Variants in SMG5 observed in about 807,000 individuals in gnomAD.
SMG5 encodes nonsense-mediated mRNA decay factor SMG5.
Under a neutral mutation model 122.9 loss-of-function variants are expected in SMG5, and 53 were observed. That is an observed-to-expected ratio of 0.43 (90% CI 0.35 to 0.54). SMG5 has a LOEUF of 0.54. SMG5 is among the 20% of genes least tolerant of loss of function. SMG5 has a pLI of 0.01. For synonymous variants in SMG5, 477 were observed against 490.2 expected, an observed-to-expected ratio of 0.97 and a Z score of 0.35; for missense variants, 1,153 against 1,285.6, an observed-to-expected ratio of 0.90 and a Z score of 1.58.
At position 156,266,569 on chromosome 1, in the gene SMG5, G is replaced by A. The variant is rs996083874; in HGVS notation, c.1227C>T (p.Pro409=). The change falls in exon 11 of 22, where the codon CCC becomes CCT. Residue 409 remains proline, a synonymous_variant. Transcript: ENST00000361813. The part of the protein sequence containing the change: ...LQAELEEGEN[P]VPAFQSDGTD... The stretch of plus-strand genomic sequence containing the variant: ...TGCCATCACTCTGGAATGCCGGGAC[G>A]GGATTCTCGCCCTCTTCCAGCTCAG... 8.7e-6 allele frequency: 14 copies of A among 1,614,038 alleles called. No individual in the cohort carries two copies. The highest frequency in any genetic ancestry group is 2.2e-5 in the East Asian group (1 of 44,886).
At chr1:156,258,883 C>G (rs1661691204) in intron 16 of SMG5, 122 bp downstream of exon 16, 7 of 1,236,178 alleles carry the variant, frequency 5.7e-6, no homozygotes, top group African/African-American at 1.5e-5. Flanking sequence ...CCCCTCCCCT[C>G]TCCCTAGGCA....
chr1:156,258,895 C>T (rs1661691517), intron 16 of SMG5, 110 bp downstream of exon 16: 9 of 1,367,150 alleles, frequency 6.6e-6, no homozygotes, highest in Non-Finnish European at 7.9e-6. Context: ...CCCTAGGCAT[C>T]TTACTATGTC....
chr1:156,255,458 G>A (rs936595014), intron 16 of SMG5, among the ~76,000 whole-genome samples: 10 of 152,180 alleles, frequency 6.6e-5, no homozygotes, highest in Admixed American at 2.6e-4. Context: ...AGAATCGCTT[G>A]AACCCGGGAG....
In SMG5 at chr1:156,282,807, TGA is replaced by T; in HGVS notation, c.-129_-128del. 1 of 1,033,568 alleles carries T rather than the reference TGA, an allele frequency of 9.7e-7. No individual in the cohort carries two copies. The highest frequency in any genetic ancestry group is 1.4e-6 in the Non-Finnish European group (1 of 739,574). The allele number at this position is 1,033,568 out of a possible 1,614,324, so 64.0% of individuals were successfully genotyped here. On this transcript the variant is annotated 5_prime_UTR_variant, in exon 1 of 22. Transcript: ENST00000361813. ...CGGCCCTGCTCGGCCGCCATCGCTG[TGA>T]GGCGGCTGCCCGCGACAGCTCCTCC...
At chr1:156,263,724 CT>C (rs1254975481) in intron 12 of SMG5, among the ~76,000 whole-genome samples, 154 bp from the exon 13 acceptor site, 3 of 152,222 alleles carry the variant, frequency 2.0e-5, no homozygotes, top group Non-Finnish European at 4.4e-5. Context: ...CTTACAGGCC[CT>C]TATTCAATTT....
At chr1:156,258,688 C>T (rs1390072092) in intron 16 of SMG5, among the ~76,000 whole-genome samples, 1 of 152,084 alleles carries the variant, frequency 6.6e-6, no homozygotes. Context: ...CCCAGCTACT[C>T]AGGAGGCTGA....
upstream of SMG5, chr1:156,286,466 G>T: frequency 6.2e-7 from 1 of 1,614,094 alleles, no homozygotes; most frequent in Non-Finnish European, 8.5e-7. Flanking sequence ...TCTCTTTGCC[G>T]TCTCCCGGTA....
intron 16 of SMG5, among the ~76,000 whole-genome samples, chr1:156,258,740 G>A (rs1661685219): frequency 6.6e-6 from 1 of 151,918 alleles, no homozygotes; most frequent in African/African-American, 2.4e-5. Context: ...AGGTTGCAGT[G>A]AGCTGAGATC....
Position 156,249,440 on chromosome 1 carries a change from G to GTGCTA in SMG5, c.*1142_*1146dup. ...ACCCTCCACCCCGAGCCCCTAGCCTGTGCTATCCTCCCAGCCTGAGGGGGA... is the reference window on the plus strand; with the variant it reads ...ACCCTCCACCCCGAGCCCCTAGCCTGTGCTATGCTATCCTCCCAGCCTGAGGGGGA... On this transcript the variant is annotated 3_prime_UTR_variant, in exon 22 of 22. Transcript: ENST00000361813. 3.0e-6 allele frequency: 1 copy of GTGCTA among 338,888 alleles called. No homozygotes were observed. The highest frequency in any genetic ancestry group is 7.9e-5 in the East Asian group (1 of 12,602). The allele number at this position is 338,888 out of a possible 1,614,324, so 21.0% of individuals were successfully genotyped here.
At chr1:156,265,105 C>T (rs928960203) in intron 12 of SMG5, among the ~76,000 whole-genome samples, 1 of 150,686 alleles carries the variant, frequency 6.6e-6, no homozygotes, top group Non-Finnish European at 1.5e-5. Context: ...TGCCTGTCAT[C>T]CCAGCTACTC....
rs761690844 is a variant in SMG5 at position 156,263,473 on chromosome 1, G to A, written c.1953C>T (p.Ala651=). The change falls in exon 13 of 22, where the codon GCC becomes GCT. Residue 651 remains alanine (A), a synonymous_variant. Coordinates refer to ENST00000361813, the MANE Select transcript of SMG5 (RefSeq NM_015327.3). ...CTTTCACAGCAGGAAGCAGACCTTC[G>A]GCCATCAGGACCTGAAGCTTCTCCT... ...SIQEKLQVLM[A]EGLLPAVKVF... is the part of the protein sequence containing the mutation. The A allele has an allele frequency of 7.4e-6, 12 of 1,614,236 alleles. No individual in the cohort carries two copies. Among genetic ancestry groups the A allele is most frequent in the Middle Eastern group, 1.6e-4 (1 of 6,062 alleles).
upstream of SMG5, among the ~76,000 whole-genome samples, chr1:156,284,897 G>A (rs761361738): frequency 1.2e-4 from 18 of 152,196 alleles, no homozygotes; most frequent in African/African-American, 2.9e-4. Flanking sequence ...CATAGAAGGC[G>A]TGGGTGGAGG....
chr1:156,260,541 G>A lies in SMG5; in HGVS notation c.2193C>T (p.Asp731=). The A allele has an allele frequency of 6.4e-7, 1 of 1,571,778 alleles. No homozygotes were observed. The highest frequency in any genetic ancestry group is 8.6e-7 in the Non-Finnish European group (1 of 1,165,002). Residue 731 remains aspartate (D), a synonymous_variant, in exon 15 of 22, where the codon GAC becomes GAT. Transcript: ENST00000361813. ...DLPSSLLLPE[D]MALRNLPPLR... ...GCGGGGGCAGGTTACGAAGAGCCAT[G>A]TCCTCTGGGAGCAGAAGGCTAGAGG...
intron 6 of SMG5, 52 bp downstream of exon 6, chr1:156,273,309 T>C (rs1197508388): frequency 6.7e-7 from 1 of 1,481,572 alleles, no homozygotes; most frequent in African/African-American, 1.4e-5. Flanking sequence ...CAACATCGTC[T>C]TCCCTAGGAA....
At chr1:156,283,593 T>C (rs1165426978), upstream of SMG5, among the ~76,000 whole-genome samples, 1 of 152,250 alleles carries the variant, frequency 6.6e-6, no homozygotes, top group Non-Finnish European at 1.5e-5. Context: ...TTGTCTTGTT[T>C]TAGCTTAAAA....
chr1:156,258,962 C>T (rs772887535), intron 16 of SMG5, 43 bp downstream of exon 16: 1 of 1,609,604 alleles, frequency 6.2e-7, no homozygotes, highest in Non-Finnish European at 8.5e-7. Context: ...CTCAGTGAGC[C>T]CAATGGGAGC....
chr1:156,253,313 G>C (rs1661435702), intron 17 of SMG5, 136 bp downstream of exon 17: 2 of 977,692 alleles, frequency 2.0e-6, no homozygotes, highest in African/African-American at 3.2e-5. Context: ...GTAGTAAGGA[G>C]GGTCATCTGG....
intron 16 of SMG5, among the ~76,000 whole-genome samples, chr1:156,256,501 T>C (rs931421024): frequency 6.6e-6 from 1 of 151,980 alleles, no homozygotes; most frequent in African/African-American, 2.4e-5. Context: ...ATCAAGCCAA[T>C]GAGTTGCTTT....
At chr1:156,266,797 G>C in intron 10 of SMG5, 119 bp from the exon 11 acceptor site, 5 of 993,198 alleles carry the variant, frequency 5.0e-6, no homozygotes, top group African/African-American at 1.7e-5. Flanking sequence ...ACTTATCAAA[G>C]ATTCTTTTTT....
Sources: allele counts gnomAD v4.1 joint callset (sites outside exome capture counted in the v4.1 genomes callset), GRCh38; gene constraint gnomAD v4.1.1; transcripts MANE v1.5; gene names NCBI Gene and HGNC (gene_info 2026-07-23, HGNC 2026-07-21).